The following TMEM117 variants were observed in gnomAD, a reference collection of about 807,000 sequenced individuals.
TMEM117 encodes the protein transmembrane protein 117.
TMEM117 carries 27 observed loss-of-function variants against 52.4 expected under a neutral mutation model. The observed-to-expected ratio is 0.51, with a 90% CI of 0.38 to 0.71. The LOEUF is 0.71. Ranked by LOEUF, TMEM117 falls within the 30% of genes least tolerant of loss-of-function variation. The pLI, the probability that TMEM117 is intolerant of heterozygous loss-of-function variation, is 0.00. For missense variants in TMEM117, 556 were observed against 630.5 expected (o/e 0.88, Z 1.26); for synonymous variants, 215 against 206.3 (o/e 1.04, Z -0.36).
intron 3 of TMEM117, among the ~76,000 whole-genome samples, chr12:44,135,770 G>A (rs1948481338): frequency 6.6e-6 from 1 of 152,154 alleles, no homozygotes. Context: ...ATTATATACA[G>A]TGGACAAATT....
chr12:44,334,356 C>T (rs900793104), intron 6 of TMEM117, among the ~76,000 whole-genome samples: 1 of 151,858 alleles, frequency 6.6e-6, no homozygotes, highest in South Asian at 2.1e-4. Context: ...TAGCATTCAT[C>T]CTGGATATCA....
At chr12:44,398,810 T>A in the TMEM117 span, among the ~76,000 whole-genome samples, 3 of 152,238 alleles carry the variant, frequency 2.0e-5, no homozygotes, top group African/African-American at 7.2e-5. Context: ...AGATTGCATT[T>A]GTTTTTATAA....
At chr12:44,059,288 C>G (rs150916521) in intron 3 of TMEM117, among the ~76,000 whole-genome samples, 11 of 152,202 alleles carry the variant, frequency 7.2e-5, no homozygotes, top group Admixed American at 5.9e-4. Flanking sequence ...TAAAAAGTGG[C>G]TTAGAGGTAC....
intron 5 of TMEM117, among the ~76,000 whole-genome samples, chr12:44,223,556 T>G (rs1300853845): frequency 6.6e-6 from 1 of 152,192 alleles, no homozygotes; most frequent in Admixed American, 6.6e-5. Flanking sequence ...TTACTTATTT[T>G]GTACACATGG....
intron 6 of TMEM117, among the ~76,000 whole-genome samples, chr12:44,335,412 C>T: frequency 6.6e-6 from 1 of 152,030 alleles, no homozygotes; most frequent in Non-Finnish European, 1.5e-5. Flanking sequence ...AATTCACTCT[C>T]ATTGCTTTTT....
chr12:44,388,736 C>T lies in TMEM117; in HGVS notation c.*64C>T. ...TTGAGTGTAACTTTAAAAATTTAGTCTTTCCTTTTGTATATGTAAGGTTTA... is the reference window on the plus strand; with the variant it reads ...TTGAGTGTAACTTTAAAAATTTAGTTTTTCCTTTTGTATATGTAAGGTTTA... On this transcript the variant is annotated 3_prime_UTR_variant, in exon 8 of 8. Transcript: ENST00000266534. 6.4e-7 allele frequency: 1 copy of T among 1,553,096 alleles called. No homozygotes were observed. The highest frequency in any genetic ancestry group is 1.4e-5 in the African/African-American group (1 of 72,818).
intron 2 of TMEM117, 158 bp downstream of exon 2, chr12:43,845,086 A>C: frequency 8.1e-6 from 6 of 739,582 alleles, no homozygotes; most frequent in Non-Finnish European, 1.3e-5. Flanking sequence ...TTCTTCAACT[A>C]CTCTCTGTTA....
At chr12:43,940,763 C>G (rs1194615200) in intron 2 of TMEM117, among the ~76,000 whole-genome samples, 1 of 152,096 alleles carries the variant, frequency 6.6e-6, no homozygotes, top group Non-Finnish European at 1.5e-5. Context: ...AGGCTGGTCT[C>G]GAACTCCTGA....
At chr12:43,890,058 T>C (rs756108176) in intron 2 of TMEM117, among the ~76,000 whole-genome samples, 24 of 152,296 alleles carry the variant, frequency 1.6e-4, no homozygotes, top group Middle Eastern at 6.8e-3. Context: ...GCTGACAATC[T>C]TCCCAGCAGC....
At chr12:44,198,407 A>G (rs1486388735) in intron 4 of TMEM117, among the ~76,000 whole-genome samples, 3 of 152,210 alleles carry the variant, frequency 2.0e-5, no homozygotes, top group African/African-American at 7.2e-5. Flanking sequence ...CAGGGCCACC[A>G]CAGAGGATGC....
chr12:44,310,622 G>C (rs750666625), intron 6 of TMEM117, among the ~76,000 whole-genome samples: 1 of 152,216 alleles, frequency 6.6e-6, no homozygotes, highest in African/African-American at 2.4e-5. Context: ...TGAGCAACAA[G>C]AGCGAAACTC....
chr12:43,809,265 C>T, the TMEM117 span, among the ~76,000 whole-genome samples: 2 of 152,184 alleles, frequency 1.3e-5, no homozygotes, highest in African/African-American at 2.4e-5. Context: ...TTCATTTCTT[C>T]TTTACTTGGT....
At chr12:44,190,041 G>A (rs1016222541) in intron 4 of TMEM117, among the ~76,000 whole-genome samples, 1 of 152,166 alleles carries the variant, frequency 6.6e-6, no homozygotes, top group Non-Finnish European at 1.5e-5. Flanking sequence ...TGTAGGCCAA[G>A]GATTGGTCCA....
chr12:43,953,795 A>G (rs1945262267), intron 3 of TMEM117, among the ~76,000 whole-genome samples: 3 of 152,226 alleles, frequency 2.0e-5, no homozygotes, highest in Non-Finnish European at 4.4e-5. Context: ...GCTCTAGACC[A>G]GGTGGACCTG....
chr12:43,806,350 G>T, the TMEM117 span: 2 of 1,259,172 alleles, frequency 1.6e-6, no homozygotes, highest in African/African-American at 3.2e-5. Flanking sequence ...CGCGTCATCC[G>T]CCCGCGACCC....
At chr12:44,009,950 C>T in intron 3 of TMEM117, 1 of 291,324 alleles carries the variant, frequency 3.4e-6, no homozygotes, top group East Asian at 9.2e-5. Flanking sequence ...GGCTGATAGC[C>T]TCTGGCGTTC....
chr12:44,268,180 C>G (rs4768550), intron 5 of TMEM117, among the ~76,000 whole-genome samples: 7 of 151,834 alleles, frequency 4.6e-5, no homozygotes, highest in South Asian at 2.1e-4. Flanking sequence ...CTCTGTTGCC[C>G]AGCTTGGAGT....
chr12:44,331,177 C>CT (rs574721995), intron 6 of TMEM117, among the ~76,000 whole-genome samples: 1 of 149,552 alleles, frequency 6.7e-6, no homozygotes, highest in Admixed American at 6.7e-5. Flanking sequence ...CTAGTGGGAC[C>CT]TTTTTTTAAA....
intron 2 of TMEM117, among the ~76,000 whole-genome samples, chr12:43,943,344 A>G (rs1945077250): frequency 1.3e-5 from 2 of 152,074 alleles, no homozygotes; most frequent in Non-Finnish European, 2.9e-5. Context: ...ACCTATGCTC[A>G]CTTCTTTCTT....
Sources: gnomAD v4.1 joint callset for allele counts (sites outside exome capture counted in the v4.1 genomes callset) on GRCh38, gnomAD v4.1.1 for gene constraint, MANE v1.5 for transcripts, NCBI Gene and HGNC (gene_info 2026-07-23, HGNC 2026-07-21) for gene names.